The following TEAD4 variants were observed in gnomAD, a reference collection of about 807,000 sequenced individuals.
TEAD4 encodes the protein transcriptional enhancer factor TEF-3.
Under a neutral mutation model 52.4 loss-of-function variants are expected in TEAD4, and 36 were observed. The ratio of observed to expected loss-of-function variants is 0.69; its 90% CI spans 0.53 to 0.91. The LOEUF is 0.91. Ranked by LOEUF, TEAD4 falls within the 40% of genes least tolerant of loss-of-function variation. The pLI, the probability that TEAD4 is intolerant of heterozygous loss-of-function variation, is 0.00. For synonymous variants in TEAD4, 220 were observed against 231.0 expected, an observed-to-expected ratio of 0.95 and a Z score of 0.43; for missense variants, 508 against 583.9, an observed-to-expected ratio of 0.87 and a Z score of 1.34.
intron 3 of TEAD4, among the ~76,000 whole-genome samples, chr12:3,009,144 T>C (rs1027566832): frequency 1.3e-5 from 2 of 152,210 alleles, no homozygotes; most frequent in Non-Finnish European, 2.9e-5. Flanking sequence ...AAGAGACGGC[T>C]GGGCTGGGTG....
intron 2 of TEAD4, among the ~76,000 whole-genome samples, chr12:2,984,025 C>T (rs959295455): frequency 5.9e-5 from 9 of 152,110 alleles, no homozygotes; most frequent in Non-Finnish European, 1.2e-4. Flanking sequence ...AGAGTTGGTC[C>T]GGTGAACAAG....
At chr12:3,007,619 A>G (rs1241753021) in intron 3 of TEAD4, among the ~76,000 whole-genome samples, 3 of 152,254 alleles carry the variant, frequency 2.0e-5, no homozygotes, top group South Asian at 2.1e-4. Flanking sequence ...CAAACTGTAC[A>G]TGCTTAAAGT....
At chr12:3,012,022 G>A (rs1455629370) in intron 4 of TEAD4, 148 bp from the exon 5 acceptor site, 7 of 743,238 alleles carry the variant, frequency 9.4e-6, no homozygotes, top group Non-Finnish European at 1.3e-5. Flanking sequence ...AGGCAGGACT[G>A]AGGGCCCACC....
intron 2 of TEAD4, among the ~76,000 whole-genome samples, chr12:2,969,824 G>A (rs1220344990): frequency 1.3e-5 from 2 of 152,204 alleles, no homozygotes; most frequent in East Asian, 3.9e-4. Flanking sequence ...GAGGCTGGAG[G>A]GTGGGGAAGA....
rs539050354 is a variant in TEAD4 at position 2,997,340 on chromosome 12, C to T, written c.226+2348C>T. 2.0e-5 allele frequency among the ~76,000 whole-genome samples: 3 copies of T among 152,322 alleles called. No homozygotes were observed. In the East Asian group the frequency reaches 5.8e-4, roughly 29 times the overall value. ...TCTACTTGTGAAGTTCTGCTTCTTACTTTTAGCGCCTGGGGAAGCGTCATG... is the reference window on the plus strand; with the variant it reads ...TCTACTTGTGAAGTTCTGCTTCTTATTTTTAGCGCCTGGGGAAGCGTCATG... On this transcript the variant is annotated intron_variant, in intron 3 of 12. Transcript: ENST00000359864.
At chr12:2,978,337 C>T (rs1264146649) in intron 2 of TEAD4, among the ~76,000 whole-genome samples, 2 of 151,706 alleles carry the variant, frequency 1.3e-5, no homozygotes, top group African/African-American at 4.8e-5. Flanking sequence ...TTTCATCTTC[C>T]GAAACTGAAA....
rs1021699442 is a variant in TEAD4 at position 2,999,283 on chromosome 12, G to C, written c.226+4291G>C. ...CTGCTTCTAGCATCCCCAGAGCTCTGGTCTTTTCTCCCCCCTCACTTCCCT... is the reference window on the plus strand; with the variant it reads ...CTGCTTCTAGCATCCCCAGAGCTCTCGTCTTTTCTCCCCCCTCACTTCCCT... On this transcript the variant is annotated intron_variant, in intron 3 of 12. Coordinates refer to ENST00000359864, the MANE Select transcript of TEAD4 (RefSeq NM_003213.4). Among the ~76,000 whole-genome samples the C allele has an allele frequency of 6.6e-5, 10 of 152,130 alleles. 1 individual carries two copies. Among genetic ancestry groups the C allele is most frequent in the Admixed American group, 6.5e-4 (10 of 15,290 alleles).
chr12:3,029,330 C>A (rs918861828), intron 10 of TEAD4, among the ~76,000 whole-genome samples: 2 of 151,496 alleles, frequency 1.3e-5, no homozygotes, highest in African/African-American at 4.9e-5. Context: ...CTCCGCCTCC[C>A]GGGTTCACGC....
At chr12:2,995,070 G>C (rs1032441962) in intron 3 of TEAD4, 78 bp downstream of exon 3, 5 of 1,532,048 alleles carry the variant, frequency 3.3e-6, no homozygotes, top group Non-Finnish European at 4.4e-6. Flanking sequence ...GGTTCCTGCC[G>C]GGCCACAGAA....
chr12:2,990,461 CTTTTTTTTTT>C (rs71057876), intron 2 of TEAD4, among the ~76,000 whole-genome samples: 66 of 67,036 alleles, frequency 9.8e-4, no homozygotes, highest in Middle Eastern at 0.025. Context: ...GACAGATAAT[CTTTTTTTTTT>C]TTTTTTTTTT....
chr12:3,024,776 A>G (rs2098271025), intron 10 of TEAD4, among the ~76,000 whole-genome samples: 2 of 152,168 alleles, frequency 1.3e-5, no homozygotes, highest in South Asian at 4.1e-4. Context: ...CATATTTTTT[A>G]ATAAGCCTAT....
At chr12:3,033,787 G>A (rs1378812603) in intron 10 of TEAD4, among the ~76,000 whole-genome samples, 1 of 152,228 alleles carries the variant, frequency 6.6e-6, no homozygotes, top group Non-Finnish European at 1.5e-5. Context: ...GACCGGGGCA[G>A]CTCTCATTTT....
At chr12:2,960,377 T>G in intron 2 of TEAD4, 12 of 985,596 alleles carry the variant, frequency 1.2e-5, no homozygotes, top group Non-Finnish European at 1.4e-5. Flanking sequence ...CTGTTTTAAG[T>G]GCAAAGGCGA....
intron 3 of TEAD4, among the ~76,000 whole-genome samples, chr12:3,009,135 A>G (rs1476353473): frequency 2.0e-5 from 3 of 152,270 alleles, no homozygotes; most frequent in African/African-American, 4.8e-5. Context: ...AGATTTAAGA[A>G]GAGACGGCTG....
At chr12:3,010,316 G>A (rs1024453361) in intron 3 of TEAD4, among the ~76,000 whole-genome samples, 1 of 152,254 alleles carries the variant, frequency 6.6e-6, no homozygotes, top group Non-Finnish European at 1.5e-5. Flanking sequence ...TGGATGCTCT[G>A]GGGTTTTCCA....
chr12:3,030,880 G>A (rs772255553), intron 10 of TEAD4, among the ~76,000 whole-genome samples: 2 of 152,132 alleles, frequency 1.3e-5, no homozygotes, highest in African/African-American at 2.4e-5. Flanking sequence ...CTCCTTAAGC[G>A]ATGAGGAGTC....
chr12:3,003,528 C>G (rs2098253360), intron 3 of TEAD4, among the ~76,000 whole-genome samples: 1 of 152,094 alleles, frequency 6.6e-6, no homozygotes. Flanking sequence ...GTGTGTGAGG[C>G]TGAGTGTGGG....
chr12:3,026,890 G>T (rs919519764), intron 10 of TEAD4, among the ~76,000 whole-genome samples: 11 of 152,154 alleles, frequency 7.2e-5, no homozygotes, highest in African/African-American at 2.7e-4. Context: ...GCTCCTTCTT[G>T]TTCTGTGATT....
At chr12:3,017,334 A>G in intron 5 of TEAD4, 64 bp from the exon 6 acceptor site, 2 of 1,608,344 alleles carry the variant, frequency 1.2e-6, no homozygotes. Context: ...CGAGGGCCGG[A>G]CCTGCCTGGC....
Sources: allele counts gnomAD v4.1 joint callset (sites outside exome capture counted in the v4.1 genomes callset), GRCh38; gene constraint gnomAD v4.1.1; transcripts MANE v1.5; gene names NCBI Gene and HGNC (gene_info 2026-07-23, HGNC 2026-07-21).